CTNNA2: variants seen among roughly 807,000 people sequenced by gnomAD.
The protein encoded by CTNNA2 is catenin alpha-2.
CTNNA2 carries 42 observed loss-of-function variants against 101.0 expected under a neutral mutation model. The ratio of observed to expected loss-of-function variants is 0.42; its 90% CI spans 0.32 to 0.54. The LOEUF (loss-of-function observed/expected upper bound fraction) is 0.54, where lower values mean the gene tolerates loss of function less well. CTNNA2 is among the 20% of genes least tolerant of loss of function. The pLI, the probability that CTNNA2 is intolerant of heterozygous loss-of-function variation, is 0.14. For synonymous variants in CTNNA2, 450 were observed against 456.4 expected (o/e 0.99, Z 0.18); for missense variants, 871 against 1,223.1 (o/e 0.71, Z 4.29).
intron 3 of CTNNA2, chr2:79,777,166 A>T (rs984138474): frequency 6.6e-5 from 10 of 152,296 alleles, no homozygotes; most frequent in African/African-American, 2.4e-4. Flanking sequence ...AGTAGGGTTC[A>T]TGGGAATCTA....
chr2:79,398,609 A>T (rs1325784544), intron 4 of CTNNA2, among the ~76,000 whole-genome samples: 1 of 152,084 alleles, frequency 6.6e-6, no homozygotes, highest in Non-Finnish European at 1.5e-5. Context: ...TGCTAATTAC[A>T]AGAATTGAGA....
At chr2:79,398,883 A>G (rs1371520982) in intron 4 of CTNNA2, among the ~76,000 whole-genome samples, 1 of 152,080 alleles carries the variant, frequency 6.6e-6, no homozygotes, top group Non-Finnish European at 1.5e-5. Context: ...TGAATCCTAT[A>G]AAAACAATAA....
chr2:79,288,107 C>T (rs146698660), intron 2 of CTNNA2, among the ~76,000 whole-genome samples: 20,520 of 152,252 alleles, frequency 0.13, 1,550 homozygotes, highest in Middle Eastern at 0.2. Flanking sequence ...TGCTTCACCT[C>T]GCGCATGGTG....
chr2:79,979,504 G>T (rs922702870), intron 7 of CTNNA2, among the ~76,000 whole-genome samples: 9 of 152,048 alleles, frequency 5.9e-5, no homozygotes, highest in African/African-American at 2.2e-4. Context: ...TACATATTGG[G>T]GAAAATTAGC....
intron 4 of CTNNA2, among the ~76,000 whole-genome samples, chr2:79,380,966 G>A (rs966782569): frequency 6.6e-6 from 1 of 152,158 alleles, no homozygotes; most frequent in Non-Finnish European, 1.5e-5. Context: ...CAGGGATCAG[G>A]CAAAATTTTG....
At chr2:79,248,832 T>C (rs1674731147) in intron 2 of CTNNA2, among the ~76,000 whole-genome samples, 2 of 152,236 alleles carry the variant, frequency 1.3e-5, no homozygotes, top group Admixed American at 6.5e-5. Flanking sequence ...TGTATGTGTA[T>C]GAATGAGACA....
intron 7 of CTNNA2, among the ~76,000 whole-genome samples, chr2:79,993,186 C>G (rs192996873): frequency 2.0e-5 from 3 of 152,308 alleles, no homozygotes; most frequent in Non-Finnish European, 4.4e-5. Context: ...TTCATTTTAT[C>G]TATGAAATCT....
chr2:80,075,214 C>G (rs1698597458), intron 7 of CTNNA2, among the ~76,000 whole-genome samples: 3 of 152,034 alleles, frequency 2.0e-5, no homozygotes, highest in Non-Finnish European at 4.4e-5. Context: ...TATCAAGATA[C>G]CTGTATCCCA....
rs71965090 is a variant in CTNNA2 at position 80,036,848 on chromosome 2, TGAGAGAGAGAGA to T, written c.1056+127070_1056+127081del. Among the ~76,000 whole-genome samples, 11 of 120,334 alleles carry T rather than the reference TGAGAGAGAGAGA, an allele frequency of 9.1e-5. 1 individual carries two copies. The East Asian group carries it at 1.1e-3, about 12-fold the overall frequency. 78.9% of individuals were successfully genotyped at this position (120,334 alleles called of 152,430 possible). On this transcript the variant is annotated intron_variant, in intron 7 of 18. Transcript: ENST00000402739. ...TTGTGTGTGTGTGTGTGTGTGTGTG[TGAGAGAGAGAGA>T]GAGAGAGAGAGAGAGAGAAGAGGAA... is the stretch of plus-strand genomic sequence containing the variant.
intron 7 of CTNNA2, among the ~76,000 whole-genome samples, chr2:79,999,564 T>C (rs1473411015): frequency 2.0e-5 from 3 of 152,040 alleles, no homozygotes; most frequent in African/African-American, 4.8e-5. Flanking sequence ...GCCTAGATTC[T>C]GTGCTTGACG....
At chr2:79,538,243 G>GA (rs57415185) in intron 1 of CTNNA2, among the ~76,000 whole-genome samples, 113,095 of 151,028 alleles carry the variant, frequency 0.75, 42,658 homozygotes, top group African/African-American at 0.86. Flanking sequence ...ATGATTATTC[G>GA]AAAAAAAAAC....
intron 17 of CTNNA2, among the ~76,000 whole-genome samples, chr2:80,610,760 C>T (rs923652406): frequency 6.6e-6 from 1 of 151,604 alleles, no homozygotes; most frequent in African/African-American, 2.4e-5. Flanking sequence ...CTTATGTCAG[C>T]GTGTTTTTGT....
intron 8 of CTNNA2, among the ~76,000 whole-genome samples, chr2:80,404,333 CAA>C (rs1423849813): frequency 6.7e-6 from 1 of 149,830 alleles, no homozygotes; most frequent in Non-Finnish European, 1.5e-5. Context: ...TTATTTTTTT[CAA>C]AAAAACACAG....
At chr2:79,685,940 C>CTGAGGGGCACATG (rs1305631403) in intron 2 of CTNNA2, among the ~76,000 whole-genome samples, 1 of 152,034 alleles carries the variant, frequency 6.6e-6, no homozygotes, top group Non-Finnish European at 1.5e-5. Context: ...GTACTGACCA[C>CTGAGGGGCACATG]TGAGGGGCAC....
intron 4 of CTNNA2, among the ~76,000 whole-genome samples, chr2:79,445,070 A>T (rs1342588316): frequency 6.6e-6 from 1 of 152,162 alleles, no homozygotes; most frequent in African/African-American, 2.4e-5. Flanking sequence ...ATTCATTTTG[A>T]GGATGCTAGA....
chr2:80,567,648 C>G (rs576349787), intron 12 of CTNNA2, among the ~76,000 whole-genome samples: 12 of 152,246 alleles, frequency 7.9e-5, no homozygotes, highest in African/African-American at 2.9e-4. Context: ...CATCACTTAC[C>G]TGGTATAGGG....
chr2:79,244,174 G>A (rs183046668), intron 2 of CTNNA2, among the ~76,000 whole-genome samples: 164 of 152,148 alleles, frequency 1.1e-3, no homozygotes, highest in South Asian at 5.8e-3. Flanking sequence ...TTGTCTGTAG[G>A]TGAATTGTTT....
At chr2:80,125,703 T>A (rs1015256463) in intron 7 of CTNNA2, among the ~76,000 whole-genome samples, 1 of 152,186 alleles carries the variant, frequency 6.6e-6, no homozygotes, top group Non-Finnish European at 1.5e-5. Context: ...GAAACCCATT[T>A]GCCATTTCTG....
chr2:79,534,047 TAAAAG>T (rs1256539228), intron 1 of CTNNA2, among the ~76,000 whole-genome samples: 3 of 152,180 alleles, frequency 2.0e-5, no homozygotes, highest in Non-Finnish European at 2.9e-5. Flanking sequence ...ACATTTTTCT[TAAAAG>T]AGAAGTGTTA....
Sources: gnomAD v4.1 joint callset for allele counts (sites outside exome capture counted in the v4.1 genomes callset) on GRCh38, gnomAD v4.1.1 for gene constraint, MANE v1.5 for transcripts, NCBI Gene and HGNC (gene_info 2026-07-23, HGNC 2026-07-21) for gene names.